The following KDM5A variants were observed in gnomAD, a reference collection of about 807,000 sequenced individuals.
KDM5A encodes lysine demethylase 5A, also known as lysine-specific demethylase 5A.
Under a neutral mutation model 193.5 loss-of-function variants are expected in KDM5A, and 42 were observed. The observed-to-expected ratio is 0.22, with a 90% CI of 0.17 to 0.28. The LOEUF is 0.28. Ranked by LOEUF, KDM5A falls within the 10% of genes least tolerant of loss-of-function variation. KDM5A has a pLI of 1.00. For synonymous variants in KDM5A, 796 were observed against 718.1 expected (o/e 1.11, Z -1.73); for missense variants, 1,692 against 2,055.1 (o/e 0.82, Z 3.42).
At chr12:380,998 T>A (rs756218839) in intron 3 of KDM5A, among the ~76,000 whole-genome samples, 1 of 12,582 alleles carries the variant, frequency 7.9e-5, no homozygotes, top group Admixed American at 7.4e-4. Context: ...TTTTATTTTA[T>A]TTTTTTTTTT....
intron 1 of KDM5A, among the ~76,000 whole-genome samples, chr12:386,234 A>C (rs1380616250): frequency 6.6e-6 from 1 of 152,246 alleles, no homozygotes; most frequent in Non-Finnish European, 1.5e-5. Context: ...ATCTGCATAT[A>C]CATAATGAGA....
At chr12:323,566 G>A (rs1395952738) in intron 15 of KDM5A, 34 bp downstream of exon 15, 3 of 1,589,158 alleles carry the variant, frequency 1.9e-6, no homozygotes, top group Non-Finnish European at 1.7e-6. Context: ...TTTAAAAAAA[G>A]GTAATGGAAG....
intron 14 of KDM5A, among the ~76,000 whole-genome samples, chr12:326,765 G>A (rs1247063647): frequency 6.6e-6 from 1 of 151,388 alleles, no homozygotes; most frequent in African/African-American, 2.4e-5. Flanking sequence ...GGAGGCTGAG[G>A]TAGGTAGGAG....
At position 358,833 on chromosome 12, in the gene KDM5A, A is replaced by C. The variant is rs573075831; in HGVS notation, c.673-2296T>G. Among the ~76,000 whole-genome samples, 63 of 152,090 alleles carry C rather than the reference A, an allele frequency of 4.1e-4. 1 individual carries two copies. The highest frequency in any genetic ancestry group is 8.8e-4 in the Non-Finnish European group (60 of 67,972). ...CTAAAAATACAAAAATTAGCCACAC[A>C]TGGTGGCAGGTGCCTATAACCCCAG... On this transcript the variant is annotated intron_variant, in intron 5 of 27. Coordinates refer to ENST00000399788, the MANE Select transcript of KDM5A (RefSeq NM_001042603.3).
At position 311,168 on chromosome 12, in the gene KDM5A, T is replaced by C; in HGVS notation, c.3037-104A>G. ...GTTTAGTGTTAGTTCTTTTATTAAA[T>C]ATTATTCTTTGAATGTAATTCCATC... On this transcript the variant is annotated intron_variant, in intron 20 of 27. Coordinates refer to ENST00000399788, the MANE Select transcript of KDM5A (RefSeq NM_001042603.3). The C allele has an allele frequency of 1.0e-5, 10 of 958,360 alleles. No homozygotes were observed. In the South Asian group the frequency reaches 1.3e-4, roughly 12 times the overall value. The allele number at this position is 958,360 out of a possible 1,614,324, so 59.4% of individuals were successfully genotyped here. A position where few individuals can be genotyped will look rare whatever the true frequency, so the allele number is the denominator to read the frequency against.
In KDM5A at chr12:309,850, T is replaced by G. The variant is rs751665191; in HGVS notation, c.3331A>C (p.Ser1111Arg). The G allele has an allele frequency of 2.4e-5, 39 of 1,614,024 alleles. No individual in the cohort carries two copies. Among genetic ancestry groups the G allele is most frequent in the Non-Finnish European group, 5.9e-6 (7 of 1,180,020 alleles). Residue 1111 changes from serine (S) to arginine (R), a missense_variant, in exon 22 of 28, where the codon AGT becomes CGT. Physicochemically the swap from Ser to Arg is moderately radical, Grantham distance 110. This residue lies in a region of KDM5A where 965 missense variants were observed against 1,061.0 expected (regional missense o/e 0.91). Transcript: ENST00000399788. ...TCCTCCAATCCTTCCTCCAGATCAC[T>G]CAGAGGCTCCAGGTCCAGATCCTTT... ...KEKDLDLEPL[S>R]DLEEGLEETR...
chr12:348,767 G>T (rs899438284), intron 10 of KDM5A, among the ~76,000 whole-genome samples: 5 of 151,970 alleles, frequency 3.3e-5, no homozygotes, highest in African/African-American at 1.2e-4. Flanking sequence ...GTCAGGGGGT[G>T]GGGGGCTGGA....
intron 3 of KDM5A, 56 bp downstream of exon 3, chr12:383,975 G>C (rs1944609449): frequency 6.4e-7 from 1 of 1,562,430 alleles, no homozygotes; most frequent in African/African-American, 1.4e-5. Flanking sequence ...AAATCTATTT[G>C]ATATTCCTAA....
In KDM5A at chr12:309,744, A is replaced by T; in HGVS notation, c.3378+59T>A. Reference sequence around the variant, plus strand: ...AAACATAAAAACTGTGAGTCTGCTAATATCTCTACAGAGTTTTGTATTCAC... The same window carrying T: ...AAACATAAAAACTGTGAGTCTGCTATTATCTCTACAGAGTTTTGTATTCAC... On this transcript the variant is annotated intron_variant, in intron 22 of 27. Transcript: ENST00000399788. 3 of 1,557,530 alleles carry T rather than the reference A, an allele frequency of 1.9e-6. No homozygotes were observed. The South Asian group carries it at 3.4e-5, about 17-fold the overall frequency.
At chr12:313,245 G>A (rs772355112) in intron 19 of KDM5A, 51 bp from the exon 20 acceptor site, 1 of 1,596,530 alleles carries the variant, frequency 6.3e-7, no homozygotes, top group African/African-American at 1.3e-5. Flanking sequence ...CAACATTTAA[G>A]TAACATTTCA....
intron 2 of KDM5A, 93 bp from the exon 3 acceptor site, chr12:384,246 T>A: frequency 1.1e-6 from 1 of 925,278 alleles, no homozygotes; most frequent in Non-Finnish European, 1.8e-6. Context: ...TGTGGACCAG[T>A]ACCCATCAGC....
At chr12:372,904 G>A (rs1223781135) in intron 3 of KDM5A, among the ~76,000 whole-genome samples, 1 of 152,176 alleles carries the variant, frequency 6.6e-6, no homozygotes, top group Non-Finnish European at 1.5e-5. Flanking sequence ...TTATTGATTT[G>A]CGTATATTGA....
intron 2 of KDM5A, among the ~76,000 whole-genome samples, chr12:384,733 T>A (rs1207560777): frequency 1.3e-5 from 2 of 152,228 alleles, no homozygotes; most frequent in Non-Finnish European, 1.5e-5. Context: ...TTGGTTTAAC[T>A]CTATGCTGAT....
intron 21 of KDM5A, among the ~76,000 whole-genome samples, chr12:310,539 T>A (rs1943570712): frequency 6.6e-6 from 1 of 151,688 alleles, no homozygotes; most frequent in African/African-American, 2.4e-5. Context: ...GAGGATGAGG[T>A]GAAAGGATCA....
Position 293,041 on chromosome 12 carries a change from C to A in KDM5A, c.4584G>T (p.Lys1528Asn). The A allele has an allele frequency of 6.3e-7, 1 of 1,586,068 alleles. No homozygotes were observed. The highest frequency in any genetic ancestry group is 8.5e-7 in the Non-Finnish European group (1 of 1,172,700). The part of the protein sequence containing the change: ...GEGKQKSKEL[K>N]KMDKPRKKKL... ...TCTTCTTTCTAGGTTTGTCCATTTT[C>A]TTTAACTCCTTGGACTTCTGTTTTC... The change falls in exon 27 of 28, where the codon AAG becomes AAT. Residue 1528 changes from lysine (K) to asparagine (N), a missense_variant. By Grantham distance (94) the Lys-to-Asn change is moderately conservative. This residue lies in a region of KDM5A where 965 missense variants were observed against 1,061.0 expected (regional missense o/e 0.91). Coordinates refer to ENST00000399788, the MANE Select transcript of KDM5A (RefSeq NM_001042603.3).
intron 3 of KDM5A, among the ~76,000 whole-genome samples, chr12:379,663 G>A (rs561689204): frequency 6.6e-6 from 1 of 152,106 alleles, no homozygotes; most frequent in Non-Finnish European, 1.5e-5. Context: ...TCTCAGTTTT[G>A]CAAACATTCT....
In KDM5A at chr12:352,276, C is replaced by G. The variant is rs549840992; in HGVS notation, c.1078G>C (p.Glu360Gln). 1.2e-6 allele frequency: 2 copies of G among 1,612,636 alleles called. No homozygotes were observed. The highest frequency in any genetic ancestry group is 1.7e-5 in the Admixed American group (1 of 60,002). ...TCTCCAAAGCTCTGAAGTGTATACT[C>G]TCGTACAGCTTGTTCAAATCCAAAG... ...EAFGFEQAVR[E>Q]YTLQSFGEMA... The change falls in exon 9 of 28, where the codon GAG (glutamate) becomes CAG (glutamine). Residue 360 changes from glutamate (E) to glutamine (Q), a missense_variant. Physicochemically the swap from Glu to Gln is conservative, Grantham distance 29 (BLOSUM62 2). Transcript: ENST00000399788.
chr12:387,055 G>A (rs987850774), intron 1 of KDM5A, among the ~76,000 whole-genome samples: 2 of 152,040 alleles, frequency 1.3e-5, no homozygotes, highest in Non-Finnish European at 2.9e-5. Flanking sequence ...TTTGTTCAAA[G>A]CCCAGCTTCT....
At position 295,851 on chromosome 12, in the gene KDM5A, T is replaced by C. The variant is rs747166520; in HGVS notation, c.4235-58A>G. ...AAAAATTAAAACTATGGAAAAAACATGTTTTCAAAGCAAATATTGAGACTA... is the reference window on the plus strand; with the variant it reads ...AAAAATTAAAACTATGGAAAAAACACGTTTTCAAAGCAAATATTGAGACTA... On this transcript the variant is annotated intron_variant, in intron 25 of 27. Transcript: ENST00000399788. 5.3e-6 allele frequency: 8 copies of C among 1,511,998 alleles called. No individual in the cohort carries two copies. The East Asian group carries it at 1.8e-4, about 34-fold the overall frequency. 93.7% of individuals were successfully genotyped at this position (1,511,998 alleles called of 1,614,324 possible).
Sources: allele counts gnomAD v4.1 joint callset (sites outside exome capture counted in the v4.1 genomes callset), GRCh38; gene constraint gnomAD v4.1.1; regional missense constraint gnomAD v4.1.1; transcripts MANE v1.5; gene names NCBI Gene and HGNC (gene_info 2026-07-23, HGNC 2026-07-21).